The following LRMDA variants were observed in gnomAD, a reference collection of about 807,000 sequenced individuals.
The protein encoded by LRMDA is leucine-rich melanocyte differentiation-associated protein.
A neutral mutation model predicts 29.8 loss-of-function variants in LRMDA; 18 were observed. That is an observed-to-expected ratio of 0.60 (90% CI 0.42 to 0.90). LRMDA has a LOEUF of 0.90. LRMDA is among the 40% of genes least tolerant of loss of function. LRMDA has a pLI of 0.00. For synonymous variants in LRMDA, 125 were observed against 109.4 expected (o/e 1.14, Z -0.89); for missense variants, 273 against 273.9 (o/e 1.00, Z 0.02).
At chr10:76,442,026 A>T (rs1842308649) in intron 6 of LRMDA, among the ~76,000 whole-genome samples, 1 of 152,204 alleles carries the variant, frequency 6.6e-6, no homozygotes, top group Non-Finnish European at 1.5e-5. Flanking sequence ...AAGTTTGCTC[A>T]TAGAAAGTAC....
intron 6 of LRMDA, among the ~76,000 whole-genome samples, chr10:76,534,951 A>G (rs1418288952): frequency 6.6e-6 from 1 of 152,120 alleles, no homozygotes; most frequent in African/African-American, 2.4e-5. Flanking sequence ...AAATTATTAT[A>G]GTTGTTTGTT....
rs189933519 is a variant in LRMDA at position 75,598,421 on chromosome 10, A to C, written c.131+159927A>C. On this transcript the variant is annotated intron_variant, in intron 2 of 6. Transcript: ENST00000611255. ...GTCGTCGTGTCCCTAGCCTGGCCTTACCTCTCTTTTAAGACAGAAGGCCTC... is the reference window on the plus strand; with the variant it reads ...GTCGTCGTGTCCCTAGCCTGGCCTTCCCTCTCTTTTAAGACAGAAGGCCTC... Among the ~76,000 whole-genome samples, 8 of 152,072 alleles carry C rather than the reference A, an allele frequency of 5.3e-5. No individual in the cohort carries two copies. In the East Asian group the frequency reaches 1.6e-3, roughly 29 times the overall value.
chr10:75,470,153 G>C (rs1474724901), intron 2 of LRMDA, among the ~76,000 whole-genome samples: 1 of 152,204 alleles, frequency 6.6e-6, no homozygotes, highest in African/African-American at 2.4e-5. Flanking sequence ...TGAGTTGCCA[G>C]AATAAGTTCT....
intron 6 of LRMDA, among the ~76,000 whole-genome samples, chr10:76,552,847 G>A (rs1228314436): frequency 6.6e-6 from 1 of 152,150 alleles, no homozygotes; most frequent in Non-Finnish European, 1.5e-5. Context: ...CCTGGACTGG[G>A]CTCTCAGGGC....
chr10:76,299,143 G>A (rs915889101), intron 5 of LRMDA, among the ~76,000 whole-genome samples: 1 of 146,664 alleles, frequency 6.8e-6, no homozygotes, highest in Non-Finnish European at 1.5e-5. Flanking sequence ...AACATCTGCT[G>A]TTAGAGAAGA....
intron 2 of LRMDA, among the ~76,000 whole-genome samples, chr10:75,812,878 C>T (rs556535041): frequency 9.9e-5 from 15 of 152,260 alleles, no homozygotes; most frequent in South Asian, 2.1e-4. Flanking sequence ...CATTCAACAG[C>T]GATTAGGTTA....
At chr10:76,431,990 A>G (rs1233498073) in intron 6 of LRMDA, among the ~76,000 whole-genome samples, 1 of 152,174 alleles carries the variant, frequency 6.6e-6, no homozygotes, top group Non-Finnish European at 1.5e-5. Flanking sequence ...TGTAAGTCCA[A>G]TAAACCTCTT....
intron 2 of LRMDA, among the ~76,000 whole-genome samples, chr10:75,721,219 C>T (rs746838343): frequency 5.3e-5 from 8 of 152,026 alleles, no homozygotes; most frequent in Non-Finnish European, 1.0e-4. Flanking sequence ...CATCTAGTGC[C>T]CTGCTTAGCT....
chr10:76,482,028 T>C (rs1379369145), intron 6 of LRMDA, among the ~76,000 whole-genome samples: 1 of 152,048 alleles, frequency 6.6e-6, no homozygotes, highest in East Asian at 1.9e-4. Context: ...TCATTATCAT[T>C]CTTGTGTCAA....
intron 2 of LRMDA, among the ~76,000 whole-genome samples, chr10:75,999,626 G>T (rs755349913): frequency 6.6e-6 from 1 of 152,144 alleles, no homozygotes; most frequent in African/African-American, 2.4e-5. Context: ...AAGAACAGGC[G>T]CTGCTTCAGT....
chr10:75,866,048 A>C (rs1845012549), intron 2 of LRMDA, among the ~76,000 whole-genome samples: 1 of 152,212 alleles, frequency 6.6e-6, no homozygotes, highest in Admixed American at 6.5e-5. Flanking sequence ...GTCTGGCGTT[A>C]GAAAAGGATT....
chr10:76,502,988 T>G (rs1842926002), intron 6 of LRMDA, among the ~76,000 whole-genome samples: 1 of 151,980 alleles, frequency 6.6e-6, no homozygotes, highest in Non-Finnish European at 1.5e-5. Flanking sequence ...CAGGGAATAA[T>G]GCTTTCAGCT....
intron 6 of LRMDA, among the ~76,000 whole-genome samples, chr10:76,429,696 C>T (rs1384480909): frequency 6.6e-6 from 1 of 152,094 alleles, no homozygotes; most frequent in African/African-American, 2.4e-5. Flanking sequence ...AGATTTTTAG[C>T]CTCAGTCCCC....
intron 2 of LRMDA, among the ~76,000 whole-genome samples, chr10:75,631,403 A>T (rs1589140455): frequency 6.7e-6 from 1 of 148,680 alleles, no homozygotes; most frequent in Admixed American, 6.7e-5. Flanking sequence ...ACCTCACTGC[A>T]CCCCCCCCGC....
intron 6 of LRMDA, among the ~76,000 whole-genome samples, chr10:76,550,271 T>G (rs999696562): frequency 6.6e-6 from 1 of 152,206 alleles, no homozygotes; most frequent in African/African-American, 2.4e-5. Context: ...GTTTACATGT[T>G]TGTATTTATA....
intron 2 of LRMDA, among the ~76,000 whole-genome samples, chr10:75,831,250 C>T (rs191185461): frequency 7.2e-5 from 11 of 152,196 alleles, no homozygotes; most frequent in East Asian, 1.9e-4. Context: ...GGTTTTACTG[C>T]GCTAACCAGG....
intron 5 of LRMDA, among the ~76,000 whole-genome samples, chr10:76,075,503 A>G (rs1848942387): frequency 6.6e-6 from 1 of 152,244 alleles, no homozygotes. Flanking sequence ...CCAATCAATG[A>G]TATTTTGTAT....
chr10:76,017,898 C>T (rs1035903768), intron 2 of LRMDA, among the ~76,000 whole-genome samples: 3 of 152,196 alleles, frequency 2.0e-5, no homozygotes, highest in Non-Finnish European at 4.4e-5. Flanking sequence ...TTTGCTGTCA[C>T]TTTCTTTTCT....
chr10:76,059,018 G>A (rs1410184860), intron 5 of LRMDA, among the ~76,000 whole-genome samples: 1 of 152,166 alleles, frequency 6.6e-6, no homozygotes, highest in Non-Finnish European at 1.5e-5. Context: ...AGTTCTGTGG[G>A]GGACTGCAGG....
Sources: allele counts gnomAD v4.1 joint callset (sites outside exome capture counted in the v4.1 genomes callset), GRCh38; gene constraint gnomAD v4.1.1; transcripts MANE v1.5; gene names NCBI Gene and HGNC (gene_info 2026-07-23, HGNC 2026-07-21).